Variants in PPP6R2 observed in about 807,000 individuals in gnomAD.
PPP6R2 encodes protein phosphatase 6 regulatory subunit 2, also known as serine/threonine-protein phosphatase 6 regulatory subunit 2.
Under a neutral mutation model 100.2 loss-of-function variants are expected in PPP6R2, and 62 were observed. That is an observed-to-expected ratio of 0.62 (90% confidence interval 0.50 to 0.76). PPP6R2 has a LOEUF of 0.76. PPP6R2 is among the 30% of genes least tolerant of loss of function. The pLI is 0.00. For synonymous variants in PPP6R2, 525 were observed against 514.7 expected (o/e 1.02, Z -0.27); for missense variants, 1,142 against 1,276.3 (o/e 0.89, Z 1.60).
chr22:50,348,102 C>A (rs889436535), intron 1 of PPP6R2, among the ~76,000 whole-genome samples: 1 of 152,056 alleles, frequency 6.6e-6, no homozygotes, highest in Non-Finnish European at 1.5e-5. Context: ...CCTCCAGGAA[C>A]CTAGATAAGA....
At chr22:50,396,640 G>A (rs995863859) in intron 3 of PPP6R2, among the ~76,000 whole-genome samples, 3 of 152,138 alleles carry the variant, frequency 2.0e-5, no homozygotes, top group Non-Finnish European at 4.4e-5. Context: ...CTCCAGCAGG[G>A]GCCACGGCAA....
chr22:50,365,407 A>C (rs945394993), intron 1 of PPP6R2, among the ~76,000 whole-genome samples: 1 of 151,658 alleles, frequency 6.6e-6, no homozygotes, highest in Non-Finnish European at 1.5e-5. Flanking sequence ...GGCTGGGCAT[A>C]GTGGCTCACG....
the PPP6R2 span, among the ~76,000 whole-genome samples, chr22:50,337,163 ATGTGTGGTG>A: frequency 8.2e-5 from 11 of 133,600 alleles, no homozygotes; most frequent in African/African-American, 2.6e-4. Context: ...TGTGTGTGCG[ATGTGTGGTG>A]TGTGTGGGGT....
chr22:50,370,689 A>G (rs933580343), intron 1 of PPP6R2, among the ~76,000 whole-genome samples: 5 of 150,816 alleles, frequency 3.3e-5, no homozygotes, highest in Admixed American at 2.6e-4. Context: ...GCTGGAGTGC[A>G]GTGGCGTGAT....
intron 3 of PPP6R2, among the ~76,000 whole-genome samples, chr22:50,401,215 A>T (rs568266508): frequency 7.4e-5 from 11 of 148,524 alleles, no homozygotes; most frequent in South Asian, 2.1e-4. Flanking sequence ...TTAAAATTTT[A>T]TTTTTTTTTT....
intron 2 of PPP6R2, among the ~76,000 whole-genome samples, chr22:50,374,619 G>GA (rs1328400785): frequency 1.3e-5 from 2 of 151,892 alleles, no homozygotes; most frequent in African/African-American, 2.4e-5. Context: ...AATATTTTTA[G>GA]AAAAAAACAA....
At chr22:50,333,253 T>C in the PPP6R2 span, among the ~76,000 whole-genome samples, 1 of 152,218 alleles carries the variant, frequency 6.6e-6, no homozygotes, top group Non-Finnish European at 1.5e-5. Context: ...CTTTTCCTTA[T>C]ACTAATTCTG....
At chr22:50,441,869 G>A (rs918029633) in intron 22 of PPP6R2, among the ~76,000 whole-genome samples, 5 of 152,196 alleles carry the variant, frequency 3.3e-5, no homozygotes, top group Admixed American at 6.5e-5. Context: ...CGCTGGGGTA[G>A]ATGCCAGGGC....
At chr22:50,442,552 TTTTG>T (rs36157989) in intron 22 of PPP6R2, among the ~76,000 whole-genome samples, 8 of 151,090 alleles carry the variant, frequency 5.3e-5, no homozygotes, top group African/African-American at 9.7e-5. Flanking sequence ...TCACTGAAAT[TTTTG>T]TTTGTTTGTT....
rs2060256233 is a variant in PPP6R2, at chr22:50,414,555, A to G, written c.418A>G (p.Ile140Val). The G allele has an allele frequency of 6.2e-7, 1 of 1,613,552 alleles. No individual in the cohort carries two copies. Among genetic ancestry groups the G allele is most frequent in the Admixed American group, 1.7e-5 (1 of 59,956 alleles). The change falls in exon 5 of 24, where the codon ATT becomes GTT. Residue 140 changes from isoleucine (I) to valine (V), a missense_variant. Physicochemically the swap from Ile to Val is conservative, Grantham distance 29 (BLOSUM62 3). Around this residue, in one of 2 missense-constraint regions of PPP6R2, gnomAD observed 592 missense variants for 758.9 expected, o/e 0.78. Transcript: ENST00000612753. ...NLIARKTEQV[I>V]TFLKKKDKFI... ...TCTCAGGTGTGTGTGATTTCAGGTGATTACGTTTTTGAAGAAGAAGGACAA... is the reference window on the plus strand; with the variant it reads ...TCTCAGGTGTGTGTGATTTCAGGTGGTTACGTTTTTGAAGAAGAAGGACAA...
At chr22:50,380,287 G>C (rs1225498982) in intron 2 of PPP6R2, among the ~76,000 whole-genome samples, 4 of 151,550 alleles carry the variant, frequency 2.6e-5, no homozygotes, top group Non-Finnish European at 5.9e-5. Context: ...TAGCCAGGAC[G>C]GTCTCGATCT....
intron 1 of PPP6R2, among the ~76,000 whole-genome samples, chr22:50,351,026 GTTTTT>G (rs1195469509): frequency 0.014 from 1,168 of 80,696 alleles, 48 homozygotes; most frequent in Middle Eastern, 0.044. Flanking sequence ...TCTCAACAGT[GTTTTT>G]TTTTTTTTTT....
At chr22:50,430,963 G>A (rs1284132998) in intron 10 of PPP6R2, among the ~76,000 whole-genome samples, 3 of 152,088 alleles carry the variant, frequency 2.0e-5, no homozygotes, top group Non-Finnish European at 2.9e-5. Context: ...CCACAGGCAG[G>A]AGGCAGAAGT....
intron 13 of PPP6R2, among the ~76,000 whole-genome samples, chr22:50,435,868 G>C (rs1347848119): frequency 1.3e-5 from 2 of 152,226 alleles, no homozygotes; most frequent in South Asian, 4.1e-4. Context: ...GCAGGAAGCT[G>C]TTGGATCATT....
upstream of PPP6R2, among the ~76,000 whole-genome samples, chr22:50,341,898 CAGG>C (rs1196823493): frequency 3.3e-5 from 5 of 152,088 alleles, no homozygotes; most frequent in Non-Finnish European, 7.4e-5. Context: ...GAGGCTGAGG[CAGG>C]AGAATGGCGT....
chr22:50,442,812 A>G (rs1243960920), intron 22 of PPP6R2, among the ~76,000 whole-genome samples: 1 of 149,542 alleles, frequency 6.7e-6, no homozygotes, highest in East Asian at 2.1e-4. Flanking sequence ...TCGGCCTCCC[A>G]AAGTGCTGGG....
intron 12 of PPP6R2, among the ~76,000 whole-genome samples, chr22:50,434,640 C>T (rs1357512852): frequency 3.0e-5 from 3 of 99,284 alleles, no homozygotes; most frequent in Admixed American, 1.0e-4. Flanking sequence ...GGAGGAGGGC[C>T]GGGGGCATGG....
At chr22:50,395,814 A>G (rs534611443) in intron 3 of PPP6R2, among the ~76,000 whole-genome samples, 96 of 147,798 alleles carry the variant, frequency 6.5e-4, no homozygotes, top group African/African-American at 2.4e-3. Context: ...CAATCCACCC[A>G]CCTCGGCCTC....
At chr22:50,337,641 G>T in the PPP6R2 span, among the ~76,000 whole-genome samples, 1 of 117,132 alleles carries the variant, frequency 8.5e-6, no homozygotes, top group Admixed American at 7.7e-5. Flanking sequence ...TGCTGTGTGG[G>T]TATAGTGTGT....
Sources: allele counts gnomAD v4.1 joint callset (sites outside exome capture counted in the v4.1 genomes callset), GRCh38; gene constraint gnomAD v4.1.1; regional missense constraint gnomAD v4.1.1; transcripts MANE v1.5; gene names NCBI Gene and HGNC (gene_info 2026-07-23, HGNC 2026-07-21).